AHCTF1: variants seen among roughly 807,000 people sequenced by gnomAD.
The protein encoded by AHCTF1 is AT-hook containing transcription factor 1.
Under a neutral mutation model 248.4 loss-of-function variants are expected in AHCTF1, and 24 were observed. The observed-to-expected ratio is 0.10, with a 90% CI of 0.07 to 0.14. AHCTF1 has a LOEUF of 0.14. Among genes scored for constraint, AHCTF1 ranks in the 10% least tolerant of loss-of-function variants. AHCTF1 has a pLI of 1.00. For missense variants in AHCTF1, 2,206 were observed against 2,636.2 expected (o/e 0.84, Z 3.57); for synonymous variants, 786 against 929.8 (o/e 0.85, Z 2.81).
rs771131264 is a variant in AHCTF1, at chr1:246,860,968, T to G, written c.4063A>C (p.Thr1355Pro). The G allele has an allele frequency of 6.2e-7, 1 of 1,613,818 alleles. No homozygotes were observed. Among genetic ancestry groups the G allele is most frequent in the Non-Finnish European group, 8.5e-7 (1 of 1,179,718 alleles). ...TALTTNVTEQ[T>P]EKDGDKDVFA... Reference sequence around the variant, plus strand: ...ACATCTTTATCTCCATCCTTTTCAGTTTGTTCAGTTACATTAGTAGTTAGT... The same window carrying G: ...ACATCTTTATCTCCATCCTTTTCAGGTTGTTCAGTTACATTAGTAGTTAGT... Residue 1355 changes from threonine to proline, a missense_variant, in exon 29 of 36, where the codon ACT becomes CCT. Around this residue, in one of 6 missense-constraint regions of AHCTF1, gnomAD observed 955 missense variants for 1,055.6 expected, o/e 0.90. Transcript: ENST00000648844.
At chr1:246,863,864 C>T in intron 27 of AHCTF1, 60 bp downstream of exon 27, 4 of 1,534,378 alleles carry the variant, frequency 2.6e-6, no homozygotes, top group East Asian at 4.5e-5. Flanking sequence ...TTTCTCCTTG[C>T]TACTTGAAAA....
chr1:246,927,993 C>T (rs896272468), intron 1 of AHCTF1, among the ~76,000 whole-genome samples: 2 of 151,906 alleles, frequency 1.3e-5, no homozygotes, highest in African/African-American at 2.4e-5. Flanking sequence ...AGCAAGACTC[C>T]GCCACCAAAA....
chr1:246,842,829 A>C, intron 34 of AHCTF1, 53 bp from the exon 35 acceptor site: 1 of 1,486,994 alleles, frequency 6.7e-7, no homozygotes, highest in Non-Finnish European at 9.3e-7. Context: ...TCCAATTTTA[A>C]AACTTCTATC....
At chr1:246,931,425 T>A in intron 1 of AHCTF1, 153 bp downstream of exon 1, 2 of 1,429,762 alleles carry the variant, frequency 1.4e-6, no homozygotes, top group Non-Finnish European at 9.2e-7. Context: ...TCGAGCCCCA[T>A]CCGTTGGCCC....
intron 33 of AHCTF1, among the ~76,000 whole-genome samples, chr1:246,848,454 G>A (rs1236338685): frequency 6.6e-6 from 1 of 150,584 alleles, no homozygotes; most frequent in African/African-American, 2.5e-5. Flanking sequence ...ACCCGCCTTG[G>A]CCTCCCAAAG....
chr1:246,853,882 T>C (rs1052137653), intron 31 of AHCTF1, among the ~76,000 whole-genome samples: 15 of 151,656 alleles, frequency 9.9e-5, no homozygotes, highest in African/African-American at 3.7e-4. Context: ...ATGTGGATAC[T>C]AATAAAACAA....
intron 24 of AHCTF1, among the ~76,000 whole-genome samples, chr1:246,872,019 C>A (rs1411398623): frequency 7.7e-6 from 1 of 129,632 alleles, no homozygotes; most frequent in Non-Finnish European, 1.6e-5. Flanking sequence ...GTATTTTCCA[C>A]ACTTAGATTC....
chr1:246,908,468 T>C (rs1345979700), intron 4 of AHCTF1, among the ~76,000 whole-genome samples: 1 of 152,126 alleles, frequency 6.6e-6, no homozygotes, highest in Admixed American at 6.5e-5. Context: ...ACATTTATCC[T>C]GCCTGTTCTG....
Position 246,839,267 on chromosome 1 carries a change from C to A in AHCTF1, c.*1539G>T, listed in dbSNP as rs1267991071. 3 of 152,380 alleles carry A rather than the reference C, an allele frequency of 2.0e-5. No homozygotes were observed. The highest frequency in any genetic ancestry group is 7.2e-5 in the African/African-American group (3 of 41,458). The allele number at this position is 152,380 out of a possible 1,614,324, so 9.4% of individuals were successfully genotyped here. On this transcript the variant is annotated 3_prime_UTR_variant, in exon 36 of 36. Transcript: ENST00000648844. ...ACACTTATTAAAAACAGGTACCACA[C>A]ATCTATATTCACCAAATTGCGTTGG...
intron 3 of AHCTF1, among the ~76,000 whole-genome samples, chr1:246,914,099 A>AT (rs905629004): frequency 6.6e-6 from 1 of 152,142 alleles, no homozygotes; most frequent in African/African-American, 2.4e-5. Flanking sequence ...ATGGAGTCAT[A>AT]TTTTTCCCCT....
At chr1:246,857,546 ACTT>A in intron 30 of AHCTF1, 142 bp downstream of exon 30, 1 of 881,548 alleles carries the variant, frequency 1.1e-6, no homozygotes, top group Non-Finnish European at 1.7e-6. Flanking sequence ...GCACAACTAA[ACTT>A]CTTTTAAAAC....
chr1:246,850,866 C>A lies in AHCTF1; in HGVS notation c.5140G>T (p.Ala1714Ser), dbSNP rs1226471356. The change falls in exon 33 of 36, where the codon GCA (alanine) becomes TCA (serine). Residue 1714 changes from alanine to serine, a missense_variant. Transcript: ENST00000648844. ...IMCPTKLVKS[A>S]FKTAQETSTM... ...CTTGTTTCCTGAGCAGTCTTAAATG[C>A]AGATTTGACCAATTTAGTGGGACAC... 2 of 1,613,944 alleles carry A rather than the reference C, an allele frequency of 1.2e-6. No individual in the cohort carries two copies. Among genetic ancestry groups the A allele is most frequent in the Admixed American group, 1.7e-5 (1 of 60,016 alleles).
Position 246,862,171 on chromosome 1 carries a change from T to TA in AHCTF1, c.3541-19_3541-18insT. 2 of 1,599,458 alleles carry TA rather than the reference T, an allele frequency of 1.3e-6. No homozygotes were observed. Among genetic ancestry groups the TA allele is most frequent in the Non-Finnish European group, 1.7e-6 (2 of 1,172,284 alleles). The stretch of plus-strand genomic sequence containing the variant: ...TTAGCTTTCTATAGTAAAGAGCAAA[T>TA]GGAATTACACCATTAAAAGTGCTTA... On this transcript the variant is annotated intron_variant, in intron 27 of 35. Transcript: ENST00000648844.
At position 246,843,879 on chromosome 1, in the gene AHCTF1, T is replaced by A. The variant is rs1251393142; in HGVS notation, c.6441A>T (p.Leu2147Phe). The A allele has an allele frequency of 6.6e-7, 1 of 1,506,438 alleles. No homozygotes were observed. Among genetic ancestry groups the A allele is most frequent in the Non-Finnish European group, 8.9e-7 (1 of 1,129,106 alleles). The allele number at this position is 1,506,438 out of a possible 1,614,324, so 93.3% of individuals were successfully genotyped here. ...PAQLKELVSD[L>F]SSQFVISPPA... Reference sequence around the variant, plus strand: ...GAGGTGAGATGACAAACTGAGAAGATAAATCCGAAACTAATTCTTTCAGCT... The same window carrying A: ...GAGGTGAGATGACAAACTGAGAAGAAAAATCCGAAACTAATTCTTTCAGCT... The change falls in exon 34 of 36, where the codon TTA (leucine) becomes TTT (phenylalanine). Residue 2147 changes from leucine (L) to phenylalanine (F), a missense_variant. This residue lies in a region of AHCTF1 where 469 missense variants were observed against 470.0 expected (regional missense o/e 1.00). Coordinates refer to ENST00000648844, the MANE Select transcript of AHCTF1 (RefSeq NM_001323342.2).
chr1:246,872,569 A>G (rs1662673016), intron 24 of AHCTF1, among the ~76,000 whole-genome samples: 2 of 152,200 alleles, frequency 1.3e-5, no homozygotes, highest in African/African-American at 4.8e-5. Flanking sequence ...GAAATTAAAT[A>G]GAGGAGGTTA....
Position 246,900,098 on chromosome 1 carries a change from C to T in AHCTF1, c.1399G>A (p.Glu467Lys). The change falls in exon 10 of 36, where the codon GAG (glutamate) becomes AAG (lysine). Residue 467 changes from glutamate to lysine, a missense_variant. By Grantham distance (56) the Glu-to-Lys change is moderately conservative (BLOSUM62 1). This residue lies in a region of AHCTF1 where 650 missense variants were observed against 870.8 expected (regional missense o/e 0.75). Transcript: ENST00000648844. ...RGVPPSYPPPEQFFNPSTYNF... is the reference protein window; with the variant it reads ...RGVPPSYPPPKQFFNPSTYNF... Reference sequence around the variant, plus strand: ...TAAGTGCTTGGATTAAAAAACTGCTCGGGAGGTGGATATGAAGGAGGGACT... The same window carrying T: ...TAAGTGCTTGGATTAAAAAACTGCTTGGGAGGTGGATATGAAGGAGGGACT... The T allele has an allele frequency of 1.2e-6, 2 of 1,605,664 alleles. No individual in the cohort carries two copies. Among genetic ancestry groups the T allele is most frequent in the Non-Finnish European group, 1.7e-6 (2 of 1,178,554 alleles).
At position 246,850,796 on chromosome 1, in the gene AHCTF1, G is replaced by C; in HGVS notation, c.5210C>G (p.Ser1737Cys). The C allele has an allele frequency of 6.2e-7, 1 of 1,613,784 alleles. No homozygotes were observed. The highest frequency in any genetic ancestry group is 8.5e-7 in the Non-Finnish European group (1 of 1,179,844). ...ACGTTGACCTCTCGTACGAGTTTTG[G>C]AGGAAACCACGTCATCAACCTGGCT... Reference protein sequence around the residue: ...NVSQVDDVVSSKTRTRGQRIQ... With the variant: ...NVSQVDDVVSCKTRTRGQRIQ... Residue 1737 changes from serine (S) to cysteine (C), a missense_variant, in exon 33 of 36, where the codon TCC becomes TGC. This residue lies in a region of AHCTF1 where 955 missense variants were observed against 1,055.6 expected (regional missense o/e 0.90). Transcript: ENST00000648844.
intron 1 of AHCTF1, among the ~76,000 whole-genome samples, chr1:246,926,961 T>C (rs1211425305): frequency 1.3e-5 from 2 of 150,152 alleles, no homozygotes; most frequent in Non-Finnish European, 3.0e-5. Flanking sequence ...GATCACGAGG[T>C]CAGGAGATCG....
At chr1:246,923,767 C>G (rs1044691711) in intron 1 of AHCTF1, among the ~76,000 whole-genome samples, 1 of 152,238 alleles carries the variant, frequency 6.6e-6, no homozygotes, top group Non-Finnish European at 1.5e-5. Context: ...GCGTAGCACA[C>G]AGGAGCAGGT....
Sources: gnomAD v4.1 joint callset for allele counts (sites outside exome capture counted in the v4.1 genomes callset) on GRCh38, gnomAD v4.1.1 for gene constraint, gnomAD v4.1.1 regional missense constraint, MANE v1.5 for transcripts, NCBI Gene and HGNC (gene_info 2026-07-23, HGNC 2026-07-21) for gene names.